Variants in FBXL17 observed in about 807,000 individuals in gnomAD.
The protein encoded by FBXL17 is F-box and leucine rich repeat protein 17.
A neutral mutation model predicts 66.2 loss-of-function variants in FBXL17; 22 were observed. That is an observed-to-expected ratio of 0.33 (90% CI 0.24 to 0.47). The LOEUF (loss-of-function observed/expected upper bound fraction) is 0.47, where lower values mean the gene tolerates loss of function less well. FBXL17 is among the 20% of genes least tolerant of loss of function. The pLI, the probability that FBXL17 is intolerant of heterozygous loss-of-function variation, is 1.00. For synonymous variants in FBXL17, 474 were observed against 400.5 expected, an observed-to-expected ratio of 1.18 and a Z score of -2.19; for missense variants, 878 against 948.2, an observed-to-expected ratio of 0.93 and a Z score of 0.97.
intron 6 of FBXL17, among the ~76,000 whole-genome samples, chr5:108,146,788 C>G (rs945550644): frequency 6.6e-6 from 1 of 152,048 alleles, no homozygotes; most frequent in Non-Finnish European, 1.5e-5. Context: ...GGCTAGGGAC[C>G]CCCCAGACAG....
chr5:108,241,852 A>G (rs970493738), intron 4 of FBXL17, among the ~76,000 whole-genome samples: 5 of 152,158 alleles, frequency 3.3e-5, no homozygotes, highest in African/African-American at 1.2e-4. Context: ...GGGCCAGGAG[A>G]GAGTGGCATG....
chr5:108,362,608 A>C (rs1318884752), intron 3 of FBXL17, among the ~76,000 whole-genome samples: 6 of 152,152 alleles, frequency 3.9e-5, no homozygotes, highest in Non-Finnish European at 7.4e-5. Flanking sequence ...TATTTCACAA[A>C]GAGGATAGTA....
intron 1 of FBXL17, among the ~76,000 whole-genome samples, chr5:108,377,618 T>A (rs541665990): frequency 8.5e-5 from 13 of 152,364 alleles, no homozygotes; most frequent in African/African-American, 1.7e-4. Flanking sequence ...TGTTTCTCAA[T>A]GATTTTCTTT....
rs529804485 is a variant in FBXL17 at position 107,866,992 on chromosome 5, T to G, written c.1966-5132A>C. Among the ~76,000 whole-genome samples, 6 of 152,288 alleles carry G rather than the reference T, an allele frequency of 3.9e-5. No individual in the cohort carries two copies. In the South Asian group the frequency reaches 1.0e-3, roughly 26 times the overall value. On this transcript the variant is annotated intron_variant, in intron 8 of 8. Coordinates refer to ENST00000542267, the MANE Select transcript of FBXL17 (RefSeq NM_001163315.3). ...GCACATAGTATATACTCAATAAATA[T>G]GTGCTGGCTAAATTCATATAGGGAT...
At chr5:108,021,368 T>C (rs1379111757) in intron 6 of FBXL17, among the ~76,000 whole-genome samples, 3 of 150,048 alleles carry the variant, frequency 2.0e-5, no homozygotes, top group Non-Finnish European at 3.0e-5. Flanking sequence ...TTATTATAGG[T>C]AGATGGTTAT....
chr5:107,879,857 G>GC (rs1163161429), intron 8 of FBXL17: 2 of 985,328 alleles, frequency 2.0e-6, no homozygotes, highest in Non-Finnish European at 2.4e-6. Flanking sequence ...GCCACAGACT[G>GC]CCCCCTGGGT....
intron 7 of FBXL17, among the ~76,000 whole-genome samples, chr5:107,899,865 A>G (rs1231080806): frequency 6.6e-6 from 1 of 152,166 alleles, no homozygotes; most frequent in East Asian, 1.9e-4. Flanking sequence ...TTCACTATTC[A>G]GGTGATGGGT....
intron 7 of FBXL17, among the ~76,000 whole-genome samples, chr5:107,908,591 G>A (rs946298831): frequency 6.6e-6 from 1 of 152,132 alleles, no homozygotes; most frequent in African/African-American, 2.4e-5. Context: ...GGATTTATAG[G>A]TAGGGATAAT....
chr5:108,216,041 C>T (rs968427704), intron 5 of FBXL17, among the ~76,000 whole-genome samples: 3 of 152,152 alleles, frequency 2.0e-5, no homozygotes, highest in African/African-American at 7.2e-5. Flanking sequence ...CGATCCTTTT[C>T]CATTGACTTA....
intron 5 of FBXL17, among the ~76,000 whole-genome samples, chr5:108,202,560 G>A (rs1026597838): frequency 6.6e-6 from 1 of 152,034 alleles, no homozygotes; most frequent in Non-Finnish European, 1.5e-5. Context: ...ACTCCCAGGG[G>A]ATGCCTGAAA....
intron 1 of FBXL17, among the ~76,000 whole-genome samples, chr5:108,377,186 T>C (rs900284515): frequency 3.9e-5 from 6 of 152,234 alleles, no homozygotes; most frequent in Admixed American, 1.3e-4. Context: ...TAAAGAATTC[T>C]CATCTGCCTT....
intron 6 of FBXL17, among the ~76,000 whole-genome samples, chr5:108,155,606 A>G (rs1028845440): frequency 3.3e-5 from 5 of 152,202 alleles, no homozygotes; most frequent in Non-Finnish European, 7.3e-5. Flanking sequence ...ACAATGAGCA[A>G]CATTTTGACT....
chr5:108,227,600 T>C (rs1755154155), intron 4 of FBXL17, among the ~76,000 whole-genome samples: 1 of 152,186 alleles, frequency 6.6e-6, no homozygotes, highest in Non-Finnish European at 1.5e-5. Flanking sequence ...TCCTTACCTA[T>C]GCTGAACAGA....
At chr5:108,346,938 G>A (rs1267570712) in intron 4 of FBXL17, among the ~76,000 whole-genome samples, 2 of 152,052 alleles carry the variant, frequency 1.3e-5, no homozygotes, top group Non-Finnish European at 2.9e-5. Flanking sequence ...ATTATTAAAT[G>A]TTATGAACTC....
At chr5:108,070,386 C>T (rs1201091177) in intron 6 of FBXL17, among the ~76,000 whole-genome samples, 1 of 152,164 alleles carries the variant, frequency 6.6e-6, no homozygotes, top group Non-Finnish European at 1.5e-5. Flanking sequence ...ATATTTCATA[C>T]TGGCAAATGC....
chr5:107,972,857 T>C (rs917860770), intron 7 of FBXL17, among the ~76,000 whole-genome samples: 2 of 152,210 alleles, frequency 1.3e-5, no homozygotes, highest in Non-Finnish European at 2.9e-5. Context: ...AATAGTTTAA[T>C]AAAAGCTTAT....
chr5:108,210,902 A>G (rs897154404), intron 5 of FBXL17, among the ~76,000 whole-genome samples: 1 of 152,152 alleles, frequency 6.6e-6, no homozygotes, highest in Non-Finnish European at 1.5e-5. Context: ...TCTAATATTG[A>G]CAGTGGGGTG....
intron 4 of FBXL17, among the ~76,000 whole-genome samples, chr5:108,280,928 G>A (rs905568109): frequency 1.3e-5 from 2 of 151,308 alleles, no homozygotes; most frequent in Non-Finnish European, 3.0e-5. Flanking sequence ...AAAGAGAGAG[G>A]GGGGATATAA....
chr5:108,277,134 AGAGTT>A (rs1757516150), intron 4 of FBXL17, among the ~76,000 whole-genome samples: 1 of 152,134 alleles, frequency 6.6e-6, no homozygotes, highest in South Asian at 2.1e-4. Context: ...TCTTTTATAT[AGAGTT>A]ATGTTAACTA....
Sources: allele counts gnomAD v4.1 joint callset (sites outside exome capture counted in the v4.1 genomes callset), GRCh38; gene constraint gnomAD v4.1.1; transcripts MANE v1.5; gene names NCBI Gene and HGNC (gene_info 2026-07-23, HGNC 2026-07-21).